SMU1: variants seen among roughly 807,000 people sequenced by gnomAD.
SMU1 encodes WD40 repeat-containing protein SMU1.
Under a neutral mutation model 62.0 loss-of-function variants are expected in SMU1, and 2 were observed. The ratio of observed to expected loss-of-function variants is 0.03; its 90% CI spans 0.01 to 0.10. SMU1 has a LOEUF of 0.10. Ranked by LOEUF, SMU1 falls within the 10% of genes least tolerant of loss-of-function variation. SMU1 has a pLI of 1.00. For missense variants in SMU1, 227 were observed against 622.1 expected (o/e 0.36, Z 6.76); for synonymous variants, 188 against 212.4 (o/e 0.89, Z 1.00).
intron 4 of SMU1, among the ~76,000 whole-genome samples, chr9:33,064,808 T>C (rs1490209216): frequency 2.0e-5 from 3 of 151,960 alleles, no homozygotes; most frequent in Non-Finnish European, 4.4e-5. Context: ...AGTGGCGCGA[T>C]CTTGGCTCAC....
At chr9:33,061,946 T>A in intron 5 of SMU1, 103 bp downstream of exon 5, 2 of 1,243,016 alleles carry the variant, frequency 1.6e-6, no homozygotes, top group Non-Finnish European at 2.3e-6. Flanking sequence ...GGAGAATGAG[T>A]TCTCCCCCTC....
chr9:33,060,553 C>T lies in SMU1; in HGVS notation c.662G>A (p.Arg221Gln), dbSNP rs763537701. 1.2e-6 allele frequency: 2 copies of T among 1,611,322 alleles called. No individual in the cohort carries two copies. Among genetic ancestry groups the T allele is most frequent in the Admixed American group, 1.7e-5 (1 of 59,032 alleles). The change falls in exon 6 of 12, where the codon CGA (arginine) becomes CAA (glutamine). Residue 221 changes from arginine to glutamine, a missense_variant. Transcript: ENST00000397149. ...FGQKSHVECA[R>Q]FSPDGQYLVT... ...CAAATACTGACCATCTGGAGAAAAT[C>T]GAGCACACTCCACATGTGATTTCTG...
At chr9:33,061,509 C>T (rs1300574508) in intron 5 of SMU1, among the ~76,000 whole-genome samples, 1 of 151,954 alleles carries the variant, frequency 6.6e-6, no homozygotes, top group Non-Finnish European at 1.5e-5. Flanking sequence ...GCTAAAGTAG[C>T]AAATACACTT....
intron 5 of SMU1, 149 bp downstream of exon 5, chr9:33,061,900 T>G: frequency 1.3e-6 from 1 of 782,794 alleles, no homozygotes; most frequent in Non-Finnish European, 2.0e-6. Context: ...AGTATCCCAG[T>G]GGACACCTGC....
chr9:33,070,835 A>T (rs1378578293), intron 3 of SMU1, among the ~76,000 whole-genome samples: 1 of 152,176 alleles, frequency 6.6e-6, no homozygotes, highest in East Asian at 1.9e-4. Flanking sequence ...TAAAACATGG[A>T]GATAGAGAGT....
intron 4 of SMU1, among the ~76,000 whole-genome samples, chr9:33,067,297 C>CAAAAAAAA (rs58105257): frequency 7.6e-5 from 4 of 52,744 alleles, no homozygotes; most frequent in Non-Finnish European, 1.0e-4. Context: ...TGCTAATGAC[C>CAAAAAAAA]AAAAAAAAAA....
At chr9:33,065,869 G>A (rs747015670) in intron 4 of SMU1, among the ~76,000 whole-genome samples, 1 of 152,166 alleles carries the variant, frequency 6.6e-6, no homozygotes, top group Non-Finnish European at 1.5e-5. Context: ...ACAGGGTGGA[G>A]GTGAGAAGCC....
chr9:33,049,141 G>A (rs1364119314), intron 10 of SMU1, among the ~76,000 whole-genome samples: 1 of 152,160 alleles, frequency 6.6e-6, no homozygotes, highest in African/African-American at 2.4e-5. Context: ...ACGCAAAGAG[G>A]CAAAAGACCC....
chr9:33,074,772 C>CT (rs757049046), intron 1 of SMU1, among the ~76,000 whole-genome samples: 16,702 of 133,868 alleles, frequency 0.12, 1,140 homozygotes, highest in Non-Finnish European at 0.14. Flanking sequence ...CAAACATCCT[C>CT]TTTTTTTTTT....
intron 9 of SMU1, among the ~76,000 whole-genome samples, chr9:33,054,662 CAG>C (rs2119428335): frequency 6.6e-6 from 1 of 152,280 alleles, no homozygotes; most frequent in African/African-American, 2.4e-5. Context: ...CTCAATTCAT[CAG>C]GTACAAAGTC....
At chr9:33,074,431 T>C (rs1306991181) in intron 1 of SMU1, among the ~76,000 whole-genome samples, 2 of 150,618 alleles carry the variant, frequency 1.3e-5, no homozygotes, top group African/African-American at 4.9e-5. Context: ...AGACCCCTTC[T>C]CTACACACAC....
intron 9 of SMU1, among the ~76,000 whole-genome samples, chr9:33,055,812 T>A (rs2274766): frequency 0.092 from 14,049 of 152,260 alleles, 839 homozygotes; most frequent in East Asian, 0.3. Context: ...GCAAAACAGA[T>A]TTAACCACCA....
In SMU1 at chr9:33,056,129, G is replaced by A; in HGVS notation, c.1106C>T (p.Ser369Phe). 6.2e-7 allele frequency: 1 copy of A among 1,611,064 alleles called. No individual in the cohort carries two copies. The highest frequency in any genetic ancestry group is 8.5e-7 in the Non-Finnish European group (1 of 1,178,520). Residue 369 changes from serine to phenylalanine, a missense_variant, in exon 9 of 12, where the codon TCT becomes TTT. By Grantham distance (155) the Ser-to-Phe change is radical. Around this residue, in one of 5 missense-constraint regions of SMU1, gnomAD observed 98 missense variants for 195.9 expected, o/e 0.50. Coordinates refer to ENST00000397149, the MANE Select transcript of SMU1 (RefSeq NM_018225.3). ...QDGHYIISAS[S>F]DGTVKIWNMK... ...ATACTTAACCTTTACAGTGCCATCA[G>A]AGGATGCACTAATAATGTAATGTCC...
rs1386646293 is a variant in SMU1 at position 33,041,773 on chromosome 9, C to T, written c.*5520G>A. 6.6e-6 allele frequency: 1 copy of T among 152,088 alleles called. No homozygotes were observed. Among genetic ancestry groups the T allele is most frequent in the East Asian group, 1.9e-4 (1 of 5,192 alleles). 9.4% of individuals were successfully genotyped at this position (152,088 alleles called of 1,614,324 possible). ...GCCATTAAAAGGAATACTTTTTATA[C>T]TTCCCCCAAATATGAAGCACTTTAC... On this transcript the variant is annotated 3_prime_UTR_variant, in exon 12 of 12. Transcript: ENST00000397149.
Position 33,047,204 on chromosome 9 carries a change from A to G in SMU1, c.*89T>C. 1 of 779,670 alleles carries G rather than the reference A, an allele frequency of 1.3e-6. No individual in the cohort carries two copies. The highest frequency in any genetic ancestry group is 2.0e-6 in the Non-Finnish European group (1 of 498,232). The allele number at this position is 779,670 out of a possible 1,614,324, so 48.3% of individuals were successfully genotyped here. A position where few individuals can be genotyped will look rare whatever the true frequency, so the allele number is the denominator to read the frequency against. On this transcript the variant is annotated 3_prime_UTR_variant, in exon 12 of 12. Transcript: ENST00000397149. Reference sequence around the variant, plus strand: ...AATTCAGACAATCTATTTGCTTAGAAAAGCTGGCAAAAAAAAAAAAAAGCA... The same window carrying G: ...AATTCAGACAATCTATTTGCTTAGAGAAGCTGGCAAAAAAAAAAAAAAGCA...
intron 10 of SMU1, among the ~76,000 whole-genome samples, chr9:33,049,982 G>C (rs1182178343): frequency 2.0e-5 from 3 of 152,058 alleles, no homozygotes; most frequent in Non-Finnish European, 2.9e-5. Context: ...CATGGACTGG[G>C]AGAAAATATC....
rs1839368585 is a variant in SMU1 at position 33,062,076 on chromosome 9, A to G, written c.603T>C (p.Phe201=). ...AAVKDVEEEK[F]PTQLSRHIKF... ...TAATATGCCTGCTCAGTTGTGTAGG[A>G]AACTTTTCTTCTTCCACATCTTTGA... The change falls in exon 5 of 12, where the codon TTT becomes TTC. Residue 201 remains phenylalanine (F), a synonymous_variant. Coordinates refer to ENST00000397149, the MANE Select transcript of SMU1 (RefSeq NM_018225.3). 6.2e-7 allele frequency: 1 copy of G among 1,614,136 alleles called. No homozygotes were observed. The highest frequency in any genetic ancestry group is 8.5e-7 in the Non-Finnish European group (1 of 1,179,982).
rs192657268 is a variant in SMU1 at position 33,051,085 on chromosome 9, C to T, written c.1290+2038G>A. Reference sequence around the variant, plus strand: ...GCAGTGAGCCGAGATCGCGCCACTGCACTCCAGCCTGGGCGACAGAGCGAG... The same window carrying T: ...GCAGTGAGCCGAGATCGCGCCACTGTACTCCAGCCTGGGCGACAGAGCGAG... On this transcript the variant is annotated intron_variant, in intron 10 of 11. Transcript: ENST00000397149. Among the ~76,000 whole-genome samples, 193 of 79,162 alleles carry T rather than the reference C, an allele frequency of 2.4e-3. 14 individuals carry two copies. In the East Asian group the frequency reaches 0.046, roughly 19 times the overall value. The allele number at this position is 79,162 out of a possible 152,430, so 51.9% of individuals were successfully genotyped here.
rs1537042 is a variant in SMU1 at position 33,045,278 on chromosome 9, G to C, written c.*2015C>G. 0.32 allele frequency: 48,933 copies of C among 152,022 alleles called. 8,206 individuals are homozygous for C. Among genetic ancestry groups the C allele is most frequent in the Non-Finnish European group, 0.37 (25,085 of 67,976 alleles). 9.4% of individuals were successfully genotyped at this position (152,022 alleles called of 1,614,324 possible). ...TAACTTAAACTTCTCTTAAGTGAAC[G>C]TGTCTTTCCACTGGGATGACTGTCT... On this transcript the variant is annotated 3_prime_UTR_variant, in exon 12 of 12. Coordinates refer to ENST00000397149, the MANE Select transcript of SMU1 (RefSeq NM_018225.3).
Sources: allele counts gnomAD v4.1 joint callset (sites outside exome capture counted in the v4.1 genomes callset), GRCh38; gene constraint gnomAD v4.1.1; regional missense constraint gnomAD v4.1.1; transcripts MANE v1.5; gene names NCBI Gene and HGNC (gene_info 2026-07-23, HGNC 2026-07-21).